Variants in PCOLCE2 observed in about 807,000 individuals in gnomAD.
PCOLCE2 encodes procollagen C-endopeptidase enhancer 2, also known as procollagen C-proteinase enhancer 2.
PCOLCE2 carries 42 observed loss-of-function variants against 47.0 expected under a neutral mutation model. The ratio of observed to expected loss-of-function variants is 0.89; its 90% CI spans 0.70 to 1.16. The LOEUF is 1.16. PCOLCE2 is among the 50% of genes most tolerant of loss of function. The pLI is 0.00. For synonymous variants in PCOLCE2, 169 were observed against 191.7 expected (o/e 0.88, Z 0.98); for missense variants, 500 against 526.1 (o/e 0.95, Z 0.49).
intron 2 of PCOLCE2, among the ~76,000 whole-genome samples, chr3:142,854,500 T>C (rs1005670024): frequency 1.3e-5 from 2 of 152,236 alleles, no homozygotes; most frequent in African/African-American, 2.4e-5. Flanking sequence ...TCTGGGTATA[T>C]TTCAATACTA....
Position 142,885,965 on chromosome 3 carries a change from C to A in PCOLCE2, c.192+1704G>T, listed in dbSNP as rs143508825. 3.7e-3 allele frequency among the ~76,000 whole-genome samples: 568 copies of A among 152,344 alleles called. 4 individuals carry two copies. The highest frequency in any genetic ancestry group is 0.013 in the African/African-American group (527 of 41,574). The stretch of plus-strand genomic sequence containing the variant: ...AATCAAGCTTCTTCCCACTCAGGCA[C>A]TGAGTTGAAGCATTTTACACTATCT... On this transcript the variant is annotated intron_variant, in intron 2 of 8. Transcript: ENST00000295992.
Position 142,889,032 on chromosome 3 carries a change from C to A in PCOLCE2, c.-136G>T. 1 of 411,192 alleles carries A rather than the reference C, an allele frequency of 2.4e-6. No individual in the cohort carries two copies. Among genetic ancestry groups the A allele is most frequent in the Non-Finnish European group, 4.2e-6 (1 of 236,832 alleles). The allele number at this position is 411,192 out of a possible 1,614,324, so 25.5% of individuals were successfully genotyped here. A position where few individuals can be genotyped will look rare whatever the true frequency, so the allele number is the denominator to read the frequency against. ...ACACCGGCGCTCGGCTGCCCGCGCGCTCCCTCTCACGCGCGCACCGCCGCG... is the reference window on the plus strand; with the variant it reads ...ACACCGGCGCTCGGCTGCCCGCGCGATCCCTCTCACGCGCGCACCGCCGCG... On this transcript the variant is annotated 5_prime_UTR_variant, in exon 1 of 9. Coordinates refer to ENST00000295992, the MANE Select transcript of PCOLCE2 (RefSeq NM_013363.4).
intron 2 of PCOLCE2, among the ~76,000 whole-genome samples, chr3:142,858,914 G>A (rs1159088782): frequency 6.6e-6 from 1 of 152,116 alleles, no homozygotes; most frequent in Admixed American, 6.5e-5. Flanking sequence ...GACATGATAG[G>A]TGGAGATTCC....
Position 142,888,822 on chromosome 3 carries a change from G to C in PCOLCE2, c.75C>G (p.Ser25=). The C allele has an allele frequency of 6.5e-7, 1 of 1,538,710 alleles. No individual in the cohort carries two copies. Residue 25 remains serine (S), a synonymous_variant, in exon 1 of 9, where the codon TCC becomes TCG. Transcript: ENST00000295992. ...AAATQLSRQQ[S]PERPVFTCGG... The stretch of plus-strand genomic sequence containing the variant: ...GGCAGGGGTCGCGTTACCTCTCTGG[G>C]GACTGCTGCCGCGAGAGCTGGGTGG...
rs1414624955 is a variant in PCOLCE2 at position 142,833,664 on chromosome 3, G to T, written c.711-3818C>A. Among the ~76,000 whole-genome samples the T allele has an allele frequency of 1.1e-4, 17 of 152,060 alleles. 1 individual carries two copies. Among genetic ancestry groups the T allele is most frequent in the Admixed American group, 1.1e-3 (17 of 15,266 alleles). ...CTGAGAACATTCTTGTATATGTCTT[G>T]CAGTGCAAAAGTGGTCGTACCAATT... On this transcript the variant is annotated intron_variant, in intron 5 of 8. Coordinates refer to ENST00000295992, the MANE Select transcript of PCOLCE2 (RefSeq NM_013363.4).
chr3:142,847,495 G>A (rs12495602), intron 3 of PCOLCE2, among the ~76,000 whole-genome samples: 71,918 of 151,974 alleles, frequency 0.47, 18,993 homozygotes, highest in Non-Finnish European at 0.61. Context: ...AGATTTCTAC[G>A]CTTGGGAGCT....
chr3:142,827,671 C>A, intron 6 of PCOLCE2: 1 of 1,380,070 alleles, frequency 7.2e-7, no homozygotes, highest in Non-Finnish European at 1.0e-6. Context: ...TAAACCAGTA[C>A]GGGTCGCGGA....
At chr3:142,822,006 C>T (rs1422647227) in intron 7 of PCOLCE2, among the ~76,000 whole-genome samples, 2 of 152,108 alleles carry the variant, frequency 1.3e-5, no homozygotes, top group Non-Finnish European at 2.9e-5. Context: ...CAACCTCCAC[C>T]TCCCAGGTTC....
rs753244030 is a variant in PCOLCE2 at position 142,838,761 on chromosome 3, G to A, written c.710+9C>T. Reference sequence around the variant, plus strand: ...AAAACTATTAAAGACATAAATAGGTGCTACTTACGCAGGTGGACTATCACC... The same window carrying A: ...AAAACTATTAAAGACATAAATAGGTACTACTTACGCAGGTGGACTATCACC... On this transcript the variant is annotated intron_variant, in intron 5 of 8. Transcript: ENST00000295992. The A allele has an allele frequency of 1.2e-6, 2 of 1,611,264 alleles. No homozygotes were observed. The highest frequency in any genetic ancestry group is 2.7e-5 in the African/African-American group (2 of 74,950).
intron 6 of PCOLCE2, among the ~76,000 whole-genome samples, chr3:142,826,174 T>A (rs921943568): frequency 1.3e-5 from 2 of 151,916 alleles, no homozygotes; most frequent in African/African-American, 4.8e-5. Flanking sequence ...CCGGCTAATT[T>A]TTTTGTATTT....
chr3:142,853,117 A>G (rs867606919), intron 2 of PCOLCE2, among the ~76,000 whole-genome samples: 1 of 150,948 alleles, frequency 6.6e-6, no homozygotes, highest in African/African-American at 2.4e-5. Flanking sequence ...AAAAAAAAAA[A>G]GGGAAAATGG....
chr3:142,831,997 G>A (rs1937157046), intron 5 of PCOLCE2, among the ~76,000 whole-genome samples: 1 of 152,180 alleles, frequency 6.6e-6, no homozygotes, highest in Non-Finnish European at 1.5e-5. Flanking sequence ...GCAGACAAGA[G>A]GAAATTTCAC....
chr3:142,839,779 T>C (rs974095880), intron 4 of PCOLCE2, among the ~76,000 whole-genome samples: 1 of 152,216 alleles, frequency 6.6e-6, no homozygotes, highest in Non-Finnish European at 1.5e-5. Flanking sequence ...CATATAAATA[T>C]AATTTTCACT....
rs887763011 is a variant in PCOLCE2, at chr3:142,888,882, G to A, written c.15C>T (p.Asn5=). 3.9e-6 allele frequency: 6 copies of A among 1,523,144 alleles called. No homozygotes were observed. The highest frequency in any genetic ancestry group is 5.3e-6 in the Non-Finnish European group (6 of 1,138,574). The allele number at this position is 1,523,144 out of a possible 1,614,324, so 94.4% of individuals were successfully genotyped here. Residue 5 remains asparagine (N), a synonymous_variant, in exon 1 of 9, where the codon AAC becomes AAT. Transcript: ENST00000295992. ...GCAGCAGGCAGAGTGGCGCCCAGGCGTTCGCGCCCCTCATGGCAGCGTAGA... is the reference window on the plus strand; with the variant it reads ...GCAGCAGGCAGAGTGGCGCCCAGGCATTCGCGCCCCTCATGGCAGCGTAGA... The part of the protein sequence containing the change: MRGA[N]AWAPLCLLLA...
chr3:142,833,481 C>CTT (rs762140679), intron 5 of PCOLCE2, among the ~76,000 whole-genome samples: 4 of 141,546 alleles, frequency 2.8e-5, no homozygotes, highest in Non-Finnish European at 6.2e-5. Flanking sequence ...CACGCTCAGC[C>CTT]TTTTTTTTTT....
chr3:142,887,816 A>G (rs1271244440), intron 1 of PCOLCE2, 39 bp from the exon 2 acceptor site: 2 of 1,085,518 alleles, frequency 1.8e-6, no homozygotes, highest in Non-Finnish European at 2.8e-6. Context: ...GTAATTTGAA[A>G]CATGGTCTAA....
intron 2 of PCOLCE2, among the ~76,000 whole-genome samples, chr3:142,850,531 T>A (rs1368692073): frequency 6.6e-6 from 1 of 151,950 alleles, no homozygotes; most frequent in East Asian, 1.9e-4. Flanking sequence ...AACCAAAGTG[T>A]GTGGCGTCTG....
intron 3 of PCOLCE2, among the ~76,000 whole-genome samples, chr3:142,844,845 T>C (rs1008808254): frequency 3.3e-5 from 5 of 152,208 alleles, no homozygotes; most frequent in Non-Finnish European, 7.3e-5. Flanking sequence ...TGTAGGCTAT[T>C]TGTATTTGTA....
rs373201044 is a variant in PCOLCE2 at position 142,848,439 on chromosome 3, G to A, written c.226C>T (p.Arg76Ter). ...TTGTCACTCTCGAGGTCTATGAATC[G>A]GAAATTGAGAACGACTACTTTTCCT... is the stretch of plus-strand genomic sequence containing the variant. ...PEGKVVVLNF[R>*]FIDLESDNLC... The change falls in exon 3 of 9, where the codon CGA (arginine) becomes TGA (stop). Residue 76 changes from arginine to a stop codon, truncating the protein, a stop_gained. Transcript: ENST00000295992. LOFTEE classifies it high-confidence loss of function. 32 of 1,602,184 alleles carry A rather than the reference G, an allele frequency of 2.0e-5. No individual in the cohort carries two copies. The highest frequency in any genetic ancestry group is 2.2e-5 in the East Asian group (1 of 44,560).
Sources: allele counts gnomAD v4.1 joint callset (sites outside exome capture counted in the v4.1 genomes callset), GRCh38; gene constraint gnomAD v4.1.1; transcripts MANE v1.5; gene names NCBI Gene and HGNC (gene_info 2026-07-23, HGNC 2026-07-21).